Variants in KYAT1 observed in about 807,000 individuals in gnomAD.
KYAT1 encodes kynurenine aminotransferase 1.
KYAT1 carries 47 observed loss-of-function variants against 52.4 expected under a neutral mutation model. That is an observed-to-expected ratio of 0.90 (90% CI 0.71 to 1.14). The LOEUF (loss-of-function observed/expected upper bound fraction) is 1.14. KYAT1 is among the 50% of genes most tolerant of loss of function. The probability of loss-of-function intolerance (pLI) is 0.00; values close to 1 mark genes in which losing one functional copy is unlikely to be tolerated. For missense variants in KYAT1, 480 were observed against 557.9 expected (o/e 0.86, Z 1.41); for synonymous variants, 212 against 209.6 (o/e 1.01, Z -0.10).
rs766043332 is a variant in KYAT1 at position 128,833,647 on chromosome 9, C to T, written c.1210-4G>A. 3.3e-5 allele frequency: 53 copies of T among 1,614,110 alleles called. No individual in the cohort carries two copies. Among genetic ancestry groups the T allele is most frequent in the Middle Eastern group, 1.6e-4 (1 of 6,084 alleles). On this transcript the variant is annotated splice_region_variant and splice_polypyrimidine_tract_variant and intron_variant, in intron 12 of 12. Coordinates refer to ENST00000302586, the MANE Select transcript of KYAT1 (RefSeq NM_004059.5). ...TGGCCTGGAGCGTGGCTTCATCCTG[C>T]GCCAGCACAGATTAGTCCTACACTC... is the stretch of plus-strand genomic sequence containing the variant.
intron 1 of KYAT1, among the ~76,000 whole-genome samples, chr9:128,869,603 A>G (rs967189948): frequency 3.3e-5 from 5 of 152,030 alleles, no homozygotes; most frequent in African/African-American, 4.8e-5. Context: ...AACAACTTCG[A>G]AAATTTTTAT....
rs143373238 is a variant in KYAT1 at position 128,875,801 on chromosome 9, G to A, written c.-7+6096C>T. 6.1e-3 allele frequency among the ~76,000 whole-genome samples: 923 copies of A among 152,230 alleles called. 7 individuals are homozygous for A. Among genetic ancestry groups the A allele is most frequent in the African/African-American group, 0.014 (571 of 41,540 alleles). On this transcript the variant is annotated intron_variant, in intron 1 of 12. Coordinates refer to ENST00000302586, the MANE Select transcript of KYAT1 (RefSeq NM_004059.5). ...CCTCCCTGCTGCCAGGCCAGGGGCC[G>A]AGGGCCAGTGGCCTGTGCCCCCCTC... is the stretch of plus-strand genomic sequence containing the variant.
chr9:128,850,622 C>T (rs7873645), intron 1 of KYAT1, among the ~76,000 whole-genome samples: 3,430 of 152,192 alleles, frequency 0.023, 133 homozygotes, highest in African/African-American at 0.077. Context: ...AATATGGCCT[C>T]GTGGGATGAG....
At chr9:128,869,504 G>A (rs1564496785) in intron 1 of KYAT1, among the ~76,000 whole-genome samples, 1 of 152,168 alleles carries the variant, frequency 6.6e-6, no homozygotes, top group Non-Finnish European at 1.5e-5. Flanking sequence ...TTCAACAAAG[G>A]GTGCTGGGAC....
chr9:128,858,560 T>C (rs1414617560), intron 1 of KYAT1, among the ~76,000 whole-genome samples: 2 of 151,042 alleles, frequency 1.3e-5, no homozygotes, highest in African/African-American at 4.9e-5. Flanking sequence ...TAGCCAGGCG[T>C]GATGGCATGC....
At chr9:128,881,743 G>A (rs981956443) in intron 1 of KYAT1, among the ~76,000 whole-genome samples, 154 bp downstream of exon 1, 2 of 152,154 alleles carry the variant, frequency 1.3e-5, no homozygotes, top group African/African-American at 4.8e-5. Flanking sequence ...TGATTCCCGC[G>A]GGCGGCTCAA....
rs546084268 is a variant in KYAT1 at position 128,861,738 on chromosome 9, T to C, written c.-6-16327A>G. On this transcript the variant is annotated intron_variant, in intron 1 of 12. Transcript: ENST00000302586. Reference sequence around the variant, plus strand: ...CCTCAAGGGAGGGAGTCTGGTGCTTTAGCTCAGGTAACTCAGCTAAACGGA... The same window carrying C: ...CCTCAAGGGAGGGAGTCTGGTGCTTCAGCTCAGGTAACTCAGCTAAACGGA... 2.6e-5 allele frequency among the ~76,000 whole-genome samples: 4 copies of C among 152,306 alleles called. No individual in the cohort carries two copies. The South Asian group carries it at 6.2e-4, about 24-fold the overall frequency.
chr9:128,864,631 C>A (rs1474820569), intron 1 of KYAT1, among the ~76,000 whole-genome samples: 1 of 151,868 alleles, frequency 6.6e-6, no homozygotes, highest in African/African-American at 2.4e-5. Context: ...TTTTGGGGGA[C>A]AAAGTCGTGC....
intron 1 of KYAT1, among the ~76,000 whole-genome samples, chr9:128,848,057 C>T (rs1833387821): frequency 6.6e-6 from 1 of 152,172 alleles, no homozygotes; most frequent in Non-Finnish European, 1.5e-5. Flanking sequence ...ATGTGTCTCA[C>T]ACCTGTAAAC....
chr9:128,871,477 C>T (rs1371797078), intron 1 of KYAT1, among the ~76,000 whole-genome samples: 4 of 151,612 alleles, frequency 2.6e-5, no homozygotes, highest in Admixed American at 2.0e-4. Context: ...TTTGAGAGGC[C>T]GAGGCAGGAG....
At chr9:128,847,038 G>T (rs1218891474) in intron 1 of KYAT1, among the ~76,000 whole-genome samples, 2 of 152,210 alleles carry the variant, frequency 1.3e-5, no homozygotes, top group Admixed American at 6.5e-5. Flanking sequence ...GACCTGGTCA[G>T]GGTGGCAGCC....
intron 1 of KYAT1, among the ~76,000 whole-genome samples, chr9:128,877,743 G>A (rs1838253447): frequency 6.6e-6 from 1 of 152,156 alleles, no homozygotes; most frequent in Non-Finnish European, 1.5e-5. Context: ...TCTCAATAGG[G>A]GCACACTTAG....
At chr9:128,836,186 A>G in intron 7 of KYAT1, 113 bp from the exon 8 acceptor site, 3 of 787,368 alleles carry the variant, frequency 3.8e-6, no homozygotes, top group Non-Finnish European at 6.2e-6. Flanking sequence ...GGATTCCTCT[A>G]CATACTAAGT....
At chr9:128,846,902 C>T in intron 1 of KYAT1, 1 of 1,493,248 alleles carries the variant, frequency 6.7e-7, no homozygotes, top group Non-Finnish European at 9.0e-7. Context: ...TTGCTCAGTT[C>T]CACCTCGCTC....
chr9:128,845,213 G>C (rs1589665515), intron 2 of KYAT1, 140 bp downstream of exon 2: 1 of 659,008 alleles, frequency 1.5e-6, no homozygotes, highest in Non-Finnish European at 2.6e-6. Flanking sequence ...CTCGGGCCCT[G>C]TCTCTCCTGA....
chr9:128,856,426 G>GT (rs1261851655), intron 1 of KYAT1, among the ~76,000 whole-genome samples: 1 of 152,174 alleles, frequency 6.6e-6, no homozygotes, highest in Non-Finnish European at 1.5e-5. Context: ...GACTATGGCG[G>GT]TTTTGTCAAA....
In KYAT1 at chr9:128,836,859, TAC is replaced by T; in HGVS notation, c.629_630del (p.Cys210TyrfsTer3). 6.2e-7 allele frequency: 1 copy of T among 1,613,938 alleles called. No individual in the cohort carries two copies. Among genetic ancestry groups the T allele is most frequent in the Non-Finnish European group, 8.5e-7 (1 of 1,179,958 alleles). ...ATCCACTGGTAGACTTCATCAGTGA[TAC>T]ACACCACGTCATGCTGCTGGCAAAG... ...ASLCQQHDVV[C>X]ITDEVYQWMV... On this transcript the variant is annotated frameshift_variant, in exon 7 of 13. Coordinates refer to ENST00000302586, the MANE Select transcript of KYAT1 (RefSeq NM_004059.5). LOFTEE classifies it high-confidence loss of function.
In KYAT1 at chr9:128,838,063, C is replaced by T. The variant is rs906048536; in HGVS notation, c.426G>A (p.Val142=). 1 of 1,614,118 alleles carries T rather than the reference C, an allele frequency of 6.2e-7. No homozygotes were observed. Among genetic ancestry groups the T allele is most frequent in the Non-Finnish European group, 8.5e-7 (1 of 1,179,992 alleles). ...TMMAGGRPVF[V]SLKPGPIQNG... is the part of the protein sequence containing the mutation. ...CTAGCATCCTTACCGGCTTCAGGGA[C>T]ACAAACACAGGACGACCCCCTGCCA... The change falls in exon 5 of 13, where the codon GTG becomes GTA. Residue 142 remains valine (V), a synonymous_variant. Coordinates refer to ENST00000302586, the MANE Select transcript of KYAT1 (RefSeq NM_004059.5).
chr9:128,872,489 C>A (rs1424499961), intron 1 of KYAT1, among the ~76,000 whole-genome samples: 6 of 147,768 alleles, frequency 4.1e-5, no homozygotes, highest in Non-Finnish European at 6.0e-5. Flanking sequence ...ATGTTGAGGC[C>A]AGGCGCAGTG....
Sources: allele counts gnomAD v4.1 joint callset (sites outside exome capture counted in the v4.1 genomes callset), GRCh38; gene constraint gnomAD v4.1.1; transcripts MANE v1.5; gene names NCBI Gene and HGNC (gene_info 2026-07-23, HGNC 2026-07-21).